Variants in EPHB6 observed in about 807,000 individuals in gnomAD.
EPHB6 encodes ephrin type-B receptor 6.
In EPHB6, 51 loss-of-function variants were observed where a neutral mutation model predicts 107.0. The ratio of observed to expected loss-of-function variants is 0.48; its 90% CI spans 0.38 to 0.60. EPHB6 has a LOEUF of 0.60. EPHB6 is among the 20% of genes least tolerant of loss of function. The pLI is 0.00. For synonymous variants in EPHB6, 553 were observed against 549.0 expected (o/e 1.01, Z -0.10); for missense variants, 1,141 against 1,355.5 (o/e 0.84, Z 2.48).
At position 142,864,101 on chromosome 7, in the gene EPHB6, C is replaced by T. The variant is rs1454009845; in HGVS notation, c.301C>T (p.Gln101Ter). Residue 101 changes from glutamine to a stop codon, truncating the protein, a stop_gained, in exon 7 of 20, where the codon CAG becomes TAG. Transcript: ENST00000652003. LOFTEE classifies it high-confidence loss of function. ...ACACTTTGTGGAGCGGCGCGGGGCC[C>T]AGAGGGCGCACATTCGACTCCACTT... Reference protein sequence around the residue: ...QTHFVERRGAQRAHIRLHFSV... With the variant: ...QTHFVERRGA 6.2e-7 allele frequency: 1 copy of T among 1,614,014 alleles called. No individual in the cohort carries two copies.
intron 7 of EPHB6, 94 bp from the exon 8 acceptor site, chr7:142,865,381 G>A: frequency 6.5e-7 from 1 of 1,529,138 alleles, no homozygotes; most frequent in African/African-American, 1.4e-5. Context: ...CTGGGGAAGA[G>A]AAGGCTGCGA....
rs184081355 is a variant in EPHB6, at chr7:142,866,094, C to T, written c.1240C>T (p.Arg414Cys). The T allele has an allele frequency of 2.0e-5, 32 of 1,611,896 alleles. No individual in the cohort carries two copies. Among genetic ancestry groups the T allele is most frequent in the Admixed American group, 6.7e-5 (4 of 59,678 alleles). ...FNVVCKECEGRQEPASGGGGT... is the reference protein window; with the variant it reads ...FNVVCKECEGCQEPASGGGGT... ...TGTCGTGTGCAAGGAGTGTGAAGGCCGCCAGGAACCTGCCAGCGGTGGTGG... is the reference window on the plus strand; with the variant it reads ...TGTCGTGTGCAAGGAGTGTGAAGGCTGCCAGGAACCTGCCAGCGGTGGTGG... The change falls in exon 9 of 20, where the codon CGC becomes TGC. Residue 414 changes from arginine (R) to cysteine (C), a missense_variant. Arg to Cys is a radical substitution (Grantham distance 180, BLOSUM62 -3). Transcript: ENST00000652003. This position sits in a 1 kb window ranked among gnomAD's most constrained non-coding sequence, Gnocchi z 5.2.
At chr7:142,865,868 G>T in intron 8 of EPHB6, 92 bp from the exon 9 acceptor site, 2 of 1,377,114 alleles carry the variant, frequency 1.5e-6, no homozygotes, top group Admixed American at 1.8e-5. Flanking sequence ...CTTCCCTCTC[G>T]GCCACCCACC....
At position 142,868,965 on chromosome 7, in the gene EPHB6, T is replaced by A. The variant is rs543424029; in HGVS notation, c.2287-9T>A. 1.2e-5 allele frequency: 20 copies of A among 1,606,384 alleles called. No individual in the cohort carries two copies. The African/African-American group carries it at 2.7e-4, about 21-fold the overall frequency. Reference sequence around the variant, plus strand: ...TCACTGACCTCTGCCCCCTGCCCCTTCCCCTCAGCAGCGGGAGGGCCAGTT... The same window carrying A: ...TCACTGACCTCTGCCCCCTGCCCCTACCCCTCAGCAGCGGGAGGGCCAGTT... On this transcript the variant is annotated splice_polypyrimidine_tract_variant and intron_variant, in intron 15 of 19. Transcript: ENST00000652003. This position sits in a 1 kb window ranked among gnomAD's most constrained non-coding sequence, Gnocchi z 4.2.
chr7:142,868,130 G>A lies in EPHB6; in HGVS notation c.1918+81G>A. On this transcript the variant is annotated intron_variant, in intron 13 of 19. Transcript: ENST00000652003. This position sits in a 1 kb window ranked among gnomAD's most constrained non-coding sequence, Gnocchi z 4.2. The stretch of plus-strand genomic sequence containing the variant: ...GGCAGGCAAGGCTGGATCCCCCCAA[G>A]ATTGGGGGAGCTCCTTGGCACAACC... The A allele has an allele frequency of 6.2e-7, 1 of 1,613,154 alleles. No homozygotes were observed. The highest frequency in any genetic ancestry group is 8.5e-7 in the Non-Finnish European group (1 of 1,179,176).
chr7:142,867,956 G>A lies in EPHB6; in HGVS notation c.1866-41G>A, dbSNP rs1377923745. 3.1e-5 allele frequency: 48 copies of A among 1,553,590 alleles called. No individual in the cohort carries two copies. Among genetic ancestry groups the A allele is most frequent in the African/African-American group, 4.1e-5 (3 of 73,154 alleles). On this transcript the variant is annotated intron_variant, in intron 12 of 19. Transcript: ENST00000652003. The surrounding 1 kb of genome is among the most constrained non-coding windows in gnomAD (Gnocchi z 5.3). ...GTGACAAGGGGGCAGCAAGGGGGTG[G>A]AAATGGGAGCGTCATCCCCAGTCAC...
chr7:142,863,398 AT>A, intron 5 of EPHB6, 71 bp downstream of exon 5: 1 of 1,483,584 alleles, frequency 6.7e-7, no homozygotes, highest in Non-Finnish European at 9.4e-7. Flanking sequence ...AGTGGGAAAG[AT>A]TTAGAAAAGG....
At position 142,862,818 on chromosome 7, in the gene EPHB6, GAA is replaced by G. The variant is rs1346772225; in HGVS notation, c.-105_-104del. 7.1e-4 allele frequency: 110 copies of G among 154,934 alleles called. No individual in the cohort carries two copies. The highest frequency in any genetic ancestry group is 1.4e-3 in the East Asian group (9 of 6,426). 9.6% of individuals were successfully genotyped at this position (154,934 alleles called of 1,614,324 possible). On this transcript the variant is annotated 5_prime_UTR_variant, in exon 4 of 20. The change creates a premature stop within an existing upstream ORF in the 5' untranslated region. Transcript: ENST00000652003. ...GAAAGAACTGGAATAACCCCTTGCA[GAA>G]AAAAAAAAAAAGGGTAAGATTGACC...
intron 4 of EPHB6, 54 bp from the exon 5 acceptor site, chr7:142,863,073 A>G (rs999338425): frequency 1.9e-5 from 12 of 647,100 alleles, no homozygotes; most frequent in Non-Finnish European, 3.3e-5. Flanking sequence ...TGGGCTGTAT[A>G]TGAAGAAACA....
Position 142,867,152 on chromosome 7 carries a change from C to G in EPHB6, c.1750+84C>G. On this transcript the variant is annotated intron_variant, in intron 11 of 19. Transcript: ENST00000652003. This position sits in a 1 kb window ranked among gnomAD's most constrained non-coding sequence, Gnocchi z 5.3. ...GGCCCAGGGACTGTCCGGCCTTGAA[C>G]CCTGGCCCCGTGCTTCCCAACCAGA... The G allele has an allele frequency of 6.6e-7, 1 of 1,515,842 alleles. No individual in the cohort carries two copies. The highest frequency in any genetic ancestry group is 2.3e-5 in the East Asian group (1 of 43,598). The allele number at this position is 1,515,842 out of a possible 1,614,324, so 93.9% of individuals were successfully genotyped here.
rs1348210010 is a variant in EPHB6 at position 142,868,094 on chromosome 7, G to C, written c.1918+45G>C. On this transcript the variant is annotated intron_variant, in intron 13 of 19. Coordinates refer to ENST00000652003, the MANE Select transcript of EPHB6 (RefSeq NM_004445.6). This position sits in a 1 kb window ranked among gnomAD's most constrained non-coding sequence, Gnocchi z 4.2. ...ATGGGTGGGGCTGGGGAACACATGG[G>C]TGGGGCACATGGCAGGCAAGGCTGG... is the stretch of plus-strand genomic sequence containing the variant. The C allele has an allele frequency of 3.1e-6, 5 of 1,613,440 alleles. No individual in the cohort carries two copies. The highest frequency in any genetic ancestry group is 3.3e-4 in the Middle Eastern group (2 of 6,050).
chr7:142,870,460 C>A lies in EPHB6; in HGVS notation c.2804+53C>A, dbSNP rs1378880536. 7 of 1,613,740 alleles carry A rather than the reference C, an allele frequency of 4.3e-6. No individual in the cohort carries two copies. The African/African-American group carries it at 8.0e-5, about 18-fold the overall frequency. ...AAAGCCAGGGAGGGTAGATGCAAAC[C>A]TAAAGAAAACTGAGGAGAGGGGCTA... On this transcript the variant is annotated intron_variant, in intron 18 of 19. Coordinates refer to ENST00000652003, the MANE Select transcript of EPHB6 (RefSeq NM_004445.6).
At chr7:142,863,567 G>C (rs1802953580) in intron 5 of EPHB6, 64 bp from the exon 6 acceptor site, 1 of 1,568,898 alleles carries the variant, frequency 6.4e-7, no homozygotes. Context: ...GGTGGGAATA[G>C]AGTAGGGGCT....
intron 1 of EPHB6, among the ~76,000 whole-genome samples, chr7:142,859,177 T>C (rs533701893): frequency 1.3e-4 from 20 of 152,304 alleles, no homozygotes; most frequent in African/African-American, 4.1e-4. Context: ...GAGAGGACTC[T>C]CAAGCAGGCT....
chr7:142,866,333 G>C lies in EPHB6; in HGVS notation c.1462+17G>C, dbSNP rs1475338296. On this transcript the variant is annotated intron_variant, in intron 9 of 19. Transcript: ENST00000652003. This position sits in a 1 kb window ranked among gnomAD's most constrained non-coding sequence, Gnocchi z 5.2. ...GCCATGAAGGTGAGCTCTTTTCCTT[G>C]GCCTTCAGGATCCCCTGCCTCCGCT... 1 of 1,613,432 alleles carries C rather than the reference G, an allele frequency of 6.2e-7. No individual in the cohort carries two copies. The highest frequency in any genetic ancestry group is 1.1e-5 in the South Asian group (1 of 91,076).
In EPHB6 at chr7:142,869,083, C is replaced by A. The variant is rs746189446; in HGVS notation, c.2396C>A (p.Ala799Asp). 1.9e-6 allele frequency: 3 copies of A among 1,613,686 alleles called. No homozygotes were observed. Among genetic ancestry groups the A allele is most frequent in the Non-Finnish European group, 2.5e-6 (3 of 1,180,022 alleles). ...SFAFVHRSLSAHSVLVNSHLV... is the reference protein window; with the variant it reads ...SFAFVHRSLSDHSVLVNSHLV... ...GCCTTCGTCCATCGCTCGCTGTCTG[C>A]CCACAGCGTGCTGGTGAATAGCCAC... The change falls in exon 16 of 20, where the codon GCC (alanine) becomes GAC (aspartate). Residue 799 changes from alanine to aspartate, a missense_variant. Around this residue, in one of 3 missense-constraint regions of EPHB6, gnomAD observed 616 missense variants for 759.3 expected, o/e 0.81. Transcript: ENST00000652003. The surrounding 1 kb of genome is among the most constrained non-coding windows in gnomAD (Gnocchi z 4.5).
At chr7:142,858,474 C>T (rs1297345682) in intron 1 of EPHB6, among the ~76,000 whole-genome samples, 2 of 127,972 alleles carry the variant, frequency 1.6e-5, no homozygotes, top group African/African-American at 3.1e-5. Context: ...CTTGCTCTGT[C>T]GCCGAGGCTG....
In EPHB6 at chr7:142,870,932, G is replaced by A. The variant is rs777901036; in HGVS notation, c.*28G>A. 6 of 1,597,712 alleles carry A rather than the reference G, an allele frequency of 3.8e-6. No homozygotes were observed. The highest frequency in any genetic ancestry group is 5.1e-6 in the Non-Finnish European group (6 of 1,172,134). ...ATGACGATACCCGTGACTCAGCCCT[G>A]GACACTGGTCCGAGAAGGGACATGT... On this transcript the variant is annotated 3_prime_UTR_variant, in exon 20 of 20. Transcript: ENST00000652003.
Position 142,867,163 on chromosome 7 carries a change from T to C in EPHB6, c.1750+95T>C. ...TGTCCGGCCTTGAACCCTGGCCCCG[T>C]GCTTCCCAACCAGAAGTTCTGTGGG... On this transcript the variant is annotated intron_variant, in intron 11 of 19. Transcript: ENST00000652003. This position sits in a 1 kb window ranked among gnomAD's most constrained non-coding sequence, Gnocchi z 5.3. 6.8e-7 allele frequency: 1 copy of C among 1,471,580 alleles called. No homozygotes were observed. Among genetic ancestry groups the C allele is most frequent in the South Asian group, 1.3e-5 (1 of 78,686 alleles). The allele number at this position is 1,471,580 out of a possible 1,614,324, so 91.2% of individuals were successfully genotyped here. A position where few individuals can be genotyped will look rare whatever the true frequency, so the allele number is the denominator to read the frequency against.
Sources: allele counts gnomAD v4.1 joint callset (sites outside exome capture counted in the v4.1 genomes callset), GRCh38; gene constraint gnomAD v4.1.1; regional missense constraint gnomAD v4.1.1; non-coding constraint Gnocchi (gnomAD v3.1); transcripts MANE v1.5; gene names NCBI Gene and HGNC (gene_info 2026-07-23, HGNC 2026-07-21).